STRN3: variants seen among roughly 807,000 people sequenced by gnomAD.
STRN3 encodes striatin-3.
A neutral mutation model predicts 95.6 loss-of-function variants in STRN3; 29 were observed. The ratio of observed to expected loss-of-function variants is 0.30; its 90% CI spans 0.23 to 0.41. STRN3 has a LOEUF of 0.41. STRN3 is among the 10% of genes least tolerant of loss of function. The pLI, the probability that STRN3 is intolerant of heterozygous loss-of-function variation, is 1.00. For missense variants in STRN3, 890 were observed against 972.1 expected, an observed-to-expected ratio of 0.92 and a Z score of 1.12; for synonymous variants, 331 against 357.6, an observed-to-expected ratio of 0.93 and a Z score of 0.84.
chr14:31,007,966 G>A (rs1284782295), intron 1 of STRN3, among the ~76,000 whole-genome samples: 1 of 152,132 alleles, frequency 6.6e-6, no homozygotes, highest in East Asian at 1.9e-4. Context: ...GCTGAGGCAG[G>A]CGGATCACCT....
chr14:30,913,716 T>C (rs994110645), intron 9 of STRN3, 59 bp from the exon 10 acceptor site: 9 of 1,543,994 alleles, frequency 5.8e-6, no homozygotes, highest in Non-Finnish European at 7.9e-6. Flanking sequence ...AAGACAATAT[T>C]GTGGGGAAAA....
intron 1 of STRN3, among the ~76,000 whole-genome samples, chr14:30,986,800 T>G (rs544700998): frequency 3.9e-5 from 6 of 152,320 alleles, no homozygotes; most frequent in African/African-American, 1.2e-4. Flanking sequence ...AAACAGAAGA[T>G]ATCAACTATT....
At position 30,894,765 on chromosome 14, in the gene STRN3, A is replaced by G. The variant is rs188492980; in HGVS notation, c.*646T>C. On this transcript the variant is annotated 3_prime_UTR_variant, in exon 18 of 18. Transcript: ENST00000357479. Reference sequence around the variant, plus strand: ...TGTTTTAGGGTTGTATAATGCAGAAAAACTTCAATACAATCTTGAGCACTG... The same window carrying G: ...TGTTTTAGGGTTGTATAATGCAGAAGAACTTCAATACAATCTTGAGCACTG... 28 of 215,544 alleles carry G rather than the reference A, an allele frequency of 1.3e-4. No individual in the cohort carries two copies. The highest frequency in any genetic ancestry group is 2.4e-4 in the Non-Finnish European group (27 of 111,188). The allele number at this position is 215,544 out of a possible 1,614,324, so 13.4% of individuals were successfully genotyped here.
chr14:30,912,309 G>C (rs1023109207), intron 10 of STRN3, 127 bp from the exon 11 acceptor site: 1 of 774,276 alleles, frequency 1.3e-6, no homozygotes, highest in African/African-American at 1.8e-5. Context: ...ATGTCCAGTG[G>C]AAATTTAATG....
chr14:31,015,281 G>C (rs1291897391), intron 1 of STRN3, among the ~76,000 whole-genome samples: 1 of 152,068 alleles, frequency 6.6e-6, no homozygotes. Flanking sequence ...AATTACTATA[G>C]TTTTGTTCCG....
intron 16 of STRN3, among the ~76,000 whole-genome samples, chr14:30,898,663 C>A (rs1896222919): frequency 6.6e-6 from 1 of 152,176 alleles, no homozygotes. Flanking sequence ...GAGGACCTCT[C>A]CTTCACTAAC....
chr14:30,902,473 C>G, intron 16 of STRN3, 63 bp downstream of exon 16: 1 of 1,135,496 alleles, frequency 8.8e-7, no homozygotes, highest in East Asian at 2.5e-5. Flanking sequence ...TTACATAAAA[C>G]AGCATTTTTG....
intron 4 of STRN3, among the ~76,000 whole-genome samples, chr14:30,949,923 T>G (rs1879557298): frequency 6.6e-6 from 1 of 152,138 alleles, no homozygotes; most frequent in African/African-American, 2.4e-5. Flanking sequence ...AGTATTCACA[T>G]GATTCTGTAG....
intron 16 of STRN3, among the ~76,000 whole-genome samples, chr14:30,898,427 T>G (rs1042404268): frequency 3.9e-5 from 6 of 152,248 alleles, no homozygotes; most frequent in African/African-American, 1.4e-4. Context: ...TTTCCAAGTT[T>G]AACTCCAGCT....
At chr14:30,946,972 T>G in intron 5 of STRN3, 118 bp downstream of exon 5, 1 of 672,378 alleles carries the variant, frequency 1.5e-6, no homozygotes, top group South Asian at 3.1e-5. Context: ...AGAGCAAGAC[T>G]CCGTGTCAAA....
chr14:30,923,296 A>G (rs1896929975), intron 8 of STRN3, among the ~76,000 whole-genome samples: 1 of 152,190 alleles, frequency 6.6e-6, no homozygotes, highest in South Asian at 2.1e-4. Context: ...GGAATAGTAA[A>G]TGACAAATAT....
intron 8 of STRN3, among the ~76,000 whole-genome samples, chr14:30,921,887 G>C (rs1190502439): frequency 6.6e-6 from 1 of 151,848 alleles, no homozygotes; most frequent in Non-Finnish European, 1.5e-5. Context: ...ATTATTATTT[G>C]TGAGACAAGG....
intron 1 of STRN3, among the ~76,000 whole-genome samples, chr14:30,991,983 G>T (rs1289492954): frequency 6.6e-6 from 1 of 150,950 alleles, no homozygotes; most frequent in Non-Finnish European, 1.5e-5. Flanking sequence ...AGTTTTATTT[G>T]AATATATCAG....
intron 1 of STRN3, among the ~76,000 whole-genome samples, chr14:31,021,746 A>T (rs1883517478): frequency 6.6e-6 from 1 of 152,224 alleles, no homozygotes; most frequent in African/African-American, 2.4e-5. Flanking sequence ...ACGGTTTATA[A>T]GGCCAAAGGA....
chr14:30,922,114 C>G (rs745472386), intron 8 of STRN3, among the ~76,000 whole-genome samples: 2 of 152,160 alleles, frequency 1.3e-5, no homozygotes, highest in African/African-American at 4.8e-5. Context: ...GTCTTGAACT[C>G]TTAGGCTCAG....
chr14:30,969,361 C>T (rs1880709759), intron 1 of STRN3, among the ~76,000 whole-genome samples: 2 of 151,758 alleles, frequency 1.3e-5, no homozygotes, highest in Admixed American at 6.6e-5. Flanking sequence ...GGCGTGAACC[C>T]GGGAGGCGGA....
intron 1 of STRN3, among the ~76,000 whole-genome samples, chr14:30,994,189 A>G (rs1190416881): frequency 6.6e-6 from 1 of 151,900 alleles, no homozygotes; most frequent in Non-Finnish European, 1.5e-5. Context: ...CGGGGTTTCA[A>G]TATGTTGGCC....
At chr14:30,899,095 G>A (rs966233266) in intron 16 of STRN3, among the ~76,000 whole-genome samples, 2 of 152,156 alleles carry the variant, frequency 1.3e-5, no homozygotes, top group African/African-American at 4.8e-5. Flanking sequence ...GCTCCAAGAG[G>A]ACAGGACATT....
intron 7 of STRN3, among the ~76,000 whole-genome samples, chr14:30,934,350 T>C (rs192028741): frequency 6.6e-6 from 1 of 151,974 alleles, no homozygotes; most frequent in African/African-American, 2.4e-5. Flanking sequence ...ACAATAATAA[T>C]AACAACCTTC....
Sources: allele counts gnomAD v4.1 joint callset (sites outside exome capture counted in the v4.1 genomes callset), GRCh38; gene constraint gnomAD v4.1.1; transcripts MANE v1.5; gene names NCBI Gene and HGNC (gene_info 2026-07-23, HGNC 2026-07-21).